The following SIPA1L2 variants were observed in gnomAD, a reference collection of about 807,000 sequenced individuals.
SIPA1L2 encodes signal-induced proliferation-associated 1-like protein 2.
Under a neutral mutation model 163.9 loss-of-function variants are expected in SIPA1L2, and 56 were observed. That is an observed-to-expected ratio of 0.34 (90% CI 0.28 to 0.43). SIPA1L2 has a LOEUF of 0.43. Among genes scored for constraint, SIPA1L2 ranks in the 20% least tolerant of loss-of-function variants. The pLI is 1.00. For missense variants in SIPA1L2, 1,974 were observed against 2,193.5 expected (o/e 0.90, Z 2.00); for synonymous variants, 877 against 865.7 (o/e 1.01, Z -0.23).
rs2102931223 is a variant in SIPA1L2, at chr1:232,465,593, GT to G, written c.2244-178del. On this transcript the variant is annotated intron_variant, in intron 8 of 22. Transcript: ENST00000674635. The surrounding 1 kb of genome is among the most constrained non-coding windows in gnomAD (Gnocchi z 4.1). ...TAACTGGTTTATTCTGCAAGTTCTT[GT>G]TCTCCTAATTGCTGCATACCCAGGG... is the stretch of plus-strand genomic sequence containing the variant. Among the ~76,000 whole-genome samples the G allele has an allele frequency of 6.6e-6, 1 of 151,766 alleles. No homozygotes were observed. Among genetic ancestry groups the G allele is most frequent in the African/African-American group, 2.4e-5 (1 of 41,276 alleles).
chr1:232,563,103 T>C (rs1353131668), intron 2 of SIPA1L2, among the ~76,000 whole-genome samples: 4 of 152,212 alleles, frequency 2.6e-5, no homozygotes, highest in African/African-American at 9.6e-5. Flanking sequence ...TCAGACAGAC[T>C]ACAGCAGCCT....
At chr1:232,593,293 T>TA (rs1661061295) in intron 1 of SIPA1L2, among the ~76,000 whole-genome samples, 1 of 152,154 alleles carries the variant, frequency 6.6e-6, no homozygotes, top group Admixed American at 6.5e-5. Context: ...GCATAAGTAA[T>TA]AATGATGGGC....
intron 18 of SIPA1L2, among the ~76,000 whole-genome samples, chr1:232,422,453 C>T (rs968913805): frequency 6.6e-6 from 1 of 152,186 alleles, no homozygotes; most frequent in East Asian, 1.9e-4. Context: ...ATGATAATTA[C>T]ATGTAGAAAA....
At chr1:232,525,401 ATTT>A (rs59155660) in intron 2 of SIPA1L2, among the ~76,000 whole-genome samples, 8 of 127,664 alleles carry the variant, frequency 6.3e-5, no homozygotes, top group African/African-American at 1.9e-4. Context: ...AAGCCTGGCT[ATTT>A]TTTTTTTTTT....
At chr1:232,609,516 GTAGA>G (rs1662131004) in intron 1 of SIPA1L2, among the ~76,000 whole-genome samples, 2 of 152,208 alleles carry the variant, frequency 1.3e-5, no homozygotes, top group East Asian at 1.9e-4. Flanking sequence ...CCAAACCTGA[GTAGA>G]TAAATTATCA....
Position 232,514,192 on chromosome 1 carries a change from C to G in SIPA1L2, c.1148G>C (p.Ser383Thr), listed in dbSNP as rs770896568. The G allele has an allele frequency of 1.9e-6, 3 of 1,614,224 alleles. No individual in the cohort carries two copies. The highest frequency in any genetic ancestry group is 2.5e-6 in the Non-Finnish European group (3 of 1,180,038). ...CTCTTTGGAGTTGAGGTCCTCCTTG[C>G]TCCCTAAAGGGGACTCACAGTTGCC... ...QTGNCESPLG[S>T]KEDLNSKENL... is the part of the protein sequence containing the mutation. The change falls in exon 3 of 23, where the codon AGC becomes ACC. Residue 383 changes from serine to threonine, a missense_variant. Physicochemically the swap from Ser to Thr is moderately conservative, Grantham distance 58. Around this residue, in one of 3 missense-constraint regions of SIPA1L2, gnomAD observed 607 missense variants for 624.0 expected, o/e 0.97. Coordinates refer to ENST00000674635, the MANE Select transcript of SIPA1L2 (RefSeq NM_020808.5).
At position 232,415,453 on chromosome 1, in the gene SIPA1L2, C is replaced by A. The variant is rs1447438385; in HGVS notation, c.4762+41G>T. ...CGCACAGGCCCTGCAGGAAAGCACT[C>A]CCAGGGTAAGGGGTGAGGCCAGAGG... On this transcript the variant is annotated intron_variant, in intron 19 of 22. Transcript: ENST00000674635. 5.1e-6 allele frequency: 8 copies of A among 1,564,736 alleles called. No individual in the cohort carries two copies. The African/African-American group carries it at 6.9e-5, about 13-fold the overall frequency.
chr1:232,523,249 T>C (rs1573023634), intron 2 of SIPA1L2, among the ~76,000 whole-genome samples: 1 of 152,308 alleles, frequency 6.6e-6, no homozygotes, highest in East Asian at 1.9e-4. Context: ...AAATAGATAA[T>C]TTTGATCATG....
chr1:232,413,838 A>T (rs78125098), intron 19 of SIPA1L2, among the ~76,000 whole-genome samples: 10,494 of 152,242 alleles, frequency 0.069, 916 homozygotes, highest in East Asian at 0.48. Context: ...TCTCTGGTCT[A>T]ATCTCTCCTG....
At chr1:232,403,609 G>A (rs1218660465) in intron 20 of SIPA1L2, 38 bp from the exon 21 acceptor site, 10 of 1,587,378 alleles carry the variant, frequency 6.3e-6, no homozygotes, top group Non-Finnish European at 8.6e-6. Flanking sequence ...AGAAGGGTTA[G>A]TAATCAATGC....
chr1:232,587,853 C>A (rs982077836), intron 1 of SIPA1L2, among the ~76,000 whole-genome samples: 1 of 152,156 alleles, frequency 6.6e-6, no homozygotes, highest in African/African-American at 2.4e-5. Context: ...CTCACAAGAT[C>A]TGATGGTTTT....
At chr1:232,629,091 T>G (rs1663229921) in intron 1 of SIPA1L2, among the ~76,000 whole-genome samples, 1 of 152,212 alleles carries the variant, frequency 6.6e-6, no homozygotes, top group African/African-American at 2.4e-5. Context: ...TTGGGCTGAA[T>G]TAATTTAACT....
At chr1:232,419,967 G>T (rs989669905) in intron 18 of SIPA1L2, among the ~76,000 whole-genome samples, 1 of 152,172 alleles carries the variant, frequency 6.6e-6, no homozygotes, top group Non-Finnish European at 1.5e-5. Context: ...CCTTCAAAGA[G>T]CCCTGTCAAC....
At chr1:232,480,188 TGTG>T in intron 6 of SIPA1L2, among the ~76,000 whole-genome samples, 1 of 133,976 alleles carries the variant, frequency 7.5e-6, no homozygotes, top group African/African-American at 2.9e-5. Flanking sequence ...TGTGTGTGTG[TGTG>T]TTTTTACAGT....
At chr1:232,627,784 G>A (rs1289621658) in intron 1 of SIPA1L2, among the ~76,000 whole-genome samples, 1 of 152,166 alleles carries the variant, frequency 6.6e-6, no homozygotes, top group Non-Finnish European at 1.5e-5. Flanking sequence ...CTGTGATCTA[G>A]CTCTTGCTTT....
chr1:232,623,449 C>CAAAAA, intron 1 of SIPA1L2, among the ~76,000 whole-genome samples: 1 of 151,030 alleles, frequency 6.6e-6, no homozygotes, highest in East Asian at 1.9e-4. Flanking sequence ...ACTAAAAATA[C>CAAAAA]AAAAAAAAAT....
Position 232,514,037 on chromosome 1 carries a change from T to C in SIPA1L2, c.1303A>G (p.Ser435Gly), listed in dbSNP as rs767030257. The C allele has an allele frequency of 6.2e-7, 1 of 1,614,086 alleles. No homozygotes were observed. The highest frequency in any genetic ancestry group is 1.7e-5 in the Admixed American group (1 of 60,008). ...TCGAAAGAGCAGCTTTCCCCAGAAC[T>C]GAAAGAGGATGAGTTGGCTCGAGAG... is the stretch of plus-strand genomic sequence containing the variant. ...ALSRANSSSF[S>G]SGESCSFESS... Residue 435 changes from serine (S) to glycine (G), a missense_variant, in exon 3 of 23, where the codon AGT becomes GGT. Around this residue, in one of 3 missense-constraint regions of SIPA1L2, gnomAD observed 607 missense variants for 624.0 expected, o/e 0.97. Transcript: ENST00000674635.
intron 2 of SIPA1L2, among the ~76,000 whole-genome samples, chr1:232,554,443 C>CT (rs1658581317): frequency 6.6e-6 from 1 of 152,198 alleles, no homozygotes; most frequent in Non-Finnish European, 1.5e-5. Flanking sequence ...AACAAACTTA[C>CT]TTTATCCAGC....
chr1:232,526,652 C>T (rs370366525), intron 2 of SIPA1L2, among the ~76,000 whole-genome samples: 1 of 152,188 alleles, frequency 6.6e-6, no homozygotes. Context: ...GAGAGTTCTT[C>T]CAACTCCAGA....
Sources: gnomAD v4.1 joint callset for allele counts (sites outside exome capture counted in the v4.1 genomes callset) on GRCh38, gnomAD v4.1.1 for gene constraint, gnomAD v4.1.1 regional missense constraint, Gnocchi (gnomAD v3.1) non-coding constraint, MANE v1.5 for transcripts, NCBI Gene and HGNC (gene_info 2026-07-23, HGNC 2026-07-21) for gene names.